Variants in HS6ST3 observed in about 807,000 individuals in gnomAD.
The protein encoded by HS6ST3 is heparan-sulfate 6-O-sulfotransferase 3.
A neutral mutation model predicts 36.7 loss-of-function variants in HS6ST3; 12 were observed. The ratio of observed to expected loss-of-function variants is 0.33; its 90% confidence interval spans 0.21 to 0.53. The LOEUF is 0.53. HS6ST3 is among the 20% of genes least tolerant of loss of function. The probability of loss-of-function intolerance (pLI) is 0.95; values close to 1 mark genes in which losing one functional copy is unlikely to be tolerated. For missense variants in HS6ST3, 584 were observed against 640.9 expected (o/e 0.91, Z 0.96); for synonymous variants, 240 against 257.5 (o/e 0.93, Z 0.65).
At chr13:96,219,497 AC>A (rs2139361754) in intron 1 of HS6ST3, among the ~76,000 whole-genome samples, 1 of 152,194 alleles carries the variant, frequency 6.6e-6, no homozygotes, top group African/African-American at 2.4e-5. Context: ...TAGAGGCAGA[AC>A]CCCATCTAAA....
intron 1 of HS6ST3, among the ~76,000 whole-genome samples, chr13:96,285,006 T>C (rs1264805479): frequency 6.6e-6 from 1 of 151,356 alleles, no homozygotes; most frequent in Non-Finnish European, 1.5e-5. Flanking sequence ...GAAATGAGAA[T>C]GTGCGTTGGC....
chr13:96,283,160 G>A (rs562699038), intron 1 of HS6ST3, among the ~76,000 whole-genome samples: 23 of 152,274 alleles, frequency 1.5e-4, no homozygotes, highest in African/African-American at 5.3e-4. Flanking sequence ...GCAGAAAAAT[G>A]CAAGCAAATG....
intron 1 of HS6ST3, among the ~76,000 whole-genome samples, chr13:96,111,174 C>T (rs1225693472): frequency 6.6e-6 from 1 of 152,208 alleles, no homozygotes; most frequent in East Asian, 1.9e-4. Flanking sequence ...GGTAGATTTA[C>T]AATGTGTCCT....
At chr13:96,118,336 C>T (rs1479877356) in intron 1 of HS6ST3, among the ~76,000 whole-genome samples, 1 of 152,002 alleles carries the variant, frequency 6.6e-6, no homozygotes, top group Non-Finnish European at 1.5e-5. Context: ...GAGATAAAGT[C>T]GCCATCTACA....
intron 1 of HS6ST3, among the ~76,000 whole-genome samples, chr13:96,824,696 G>A (rs1034467719): frequency 6.6e-6 from 1 of 152,146 alleles, no homozygotes; most frequent in African/African-American, 2.4e-5. Context: ...CAGGGCAGAG[G>A]GAGCTAAGCT....
intron 1 of HS6ST3, among the ~76,000 whole-genome samples, chr13:96,098,556 C>T (rs888244072): frequency 2.6e-5 from 4 of 152,160 alleles, no homozygotes; most frequent in African/African-American, 4.8e-5. Flanking sequence ...CATGGTGGCT[C>T]ACACCTGTAA....
At chr13:96,549,830 A>G (rs1054178866) in intron 1 of HS6ST3, among the ~76,000 whole-genome samples, 1 of 151,694 alleles carries the variant, frequency 6.6e-6, no homozygotes, top group African/African-American at 2.4e-5. Context: ...ATGCCTGCCC[A>G]CCCGAGACAC....
chr13:96,337,383 T>A (rs1160506039), intron 1 of HS6ST3, among the ~76,000 whole-genome samples: 1 of 152,176 alleles, frequency 6.6e-6, no homozygotes, highest in East Asian at 1.9e-4. Flanking sequence ...CCAGTTTGGA[T>A]TTTTTTCTTA....
chr13:96,327,079 G>A, intron 1 of HS6ST3, among the ~76,000 whole-genome samples: 1 of 141,858 alleles, frequency 7.0e-6, no homozygotes, highest in Non-Finnish European at 1.5e-5. Flanking sequence ...CTGGATATTA[G>A]CCCTTTGTCA....
At chr13:96,319,534 G>A (rs77812873) in intron 1 of HS6ST3, among the ~76,000 whole-genome samples, 3,829 of 152,116 alleles carry the variant, frequency 0.025, 164 homozygotes, top group African/African-American at 0.089. Context: ...TGGGTCATAG[G>A]GTAACTCTAT....
chr13:96,306,361 C>T (rs914147185), intron 1 of HS6ST3, among the ~76,000 whole-genome samples: 5 of 152,034 alleles, frequency 3.3e-5, no homozygotes, highest in Admixed American at 3.3e-4. Context: ...CTCGGCCTCC[C>T]AAAGTATGCC....
At chr13:96,766,435 T>G (rs1193054182) in intron 1 of HS6ST3, among the ~76,000 whole-genome samples, 2 of 152,124 alleles carry the variant, frequency 1.3e-5, no homozygotes, top group Non-Finnish European at 2.9e-5. Context: ...CCCCCTATTT[T>G]CTTCAGGCAG....
At chr13:96,371,366 A>G (rs2055289188) in intron 1 of HS6ST3, among the ~76,000 whole-genome samples, 1 of 152,176 alleles carries the variant, frequency 6.6e-6, no homozygotes, top group Admixed American at 6.5e-5. Context: ...TTTAAGGTGT[A>G]CAATGTGATG....
chr13:96,174,701 C>T (rs1566899895), intron 1 of HS6ST3, among the ~76,000 whole-genome samples: 2 of 151,986 alleles, frequency 1.3e-5, no homozygotes, highest in Admixed American at 1.3e-4. Flanking sequence ...AACTGAAAAC[C>T]AATAAGGAAC....
At chr13:96,540,373 A>G (rs1429506888) in intron 1 of HS6ST3, among the ~76,000 whole-genome samples, 1 of 152,210 alleles carries the variant, frequency 6.6e-6, no homozygotes, top group Non-Finnish European at 1.5e-5. Context: ...ATGCCCAAAT[A>G]TTTATCATAA....
At chr13:96,719,403 T>G (rs539752402) in intron 1 of HS6ST3, among the ~76,000 whole-genome samples, 2 of 152,190 alleles carry the variant, frequency 1.3e-5, no homozygotes, top group African/African-American at 4.8e-5. Flanking sequence ...GCTTTTTTTT[T>G]CCTGTAATGT....
chr13:96,249,814 A>G (rs1437511722), intron 1 of HS6ST3, among the ~76,000 whole-genome samples: 2 of 152,296 alleles, frequency 1.3e-5, no homozygotes, highest in African/African-American at 4.8e-5. Context: ...AACTTTGAGG[A>G]CATTATGCTA....
intron 1 of HS6ST3, among the ~76,000 whole-genome samples, chr13:96,427,707 A>G (rs2055594121): frequency 6.6e-6 from 1 of 152,158 alleles, no homozygotes. Flanking sequence ...CTACATTGGT[A>G]CAATGCTATT....
At chr13:96,325,501 C>T (rs1248909501) in intron 1 of HS6ST3, among the ~76,000 whole-genome samples, 1 of 152,098 alleles carries the variant, frequency 6.6e-6, no homozygotes, top group African/African-American at 2.4e-5. Flanking sequence ...AGTTGCCATG[C>T]AACTGTTTGC....
Sources: allele counts gnomAD v4.1 joint callset (sites outside exome capture counted in the v4.1 genomes callset), GRCh38; gene constraint gnomAD v4.1.1; transcripts MANE v1.5; gene names NCBI Gene and HGNC (gene_info 2026-07-23, HGNC 2026-07-21).